The following ASPRV1 variants were observed in gnomAD, a reference collection of about 807,000 sequenced individuals.
The protein encoded by ASPRV1 is aspartic peptidase retroviral like 1, also known as retroviral-like aspartic protease 1.
Under a neutral mutation model 11.0 loss-of-function variants are expected in ASPRV1, and 7 were observed. That is an observed-to-expected ratio of 0.64 (90% CI 0.36 to 1.20). The LOEUF is 1.20. Ranked by LOEUF, ASPRV1 falls within the 50% of genes most tolerant of loss-of-function variation. The pLI is 0.02. For synonymous variants in ASPRV1, 136 were observed against 138.4 expected, an observed-to-expected ratio of 0.98 and a Z score of 0.12; for missense variants, 299 against 320.0, an observed-to-expected ratio of 0.93 and a Z score of 0.50.
the ASPRV1 span, among the ~76,000 whole-genome samples, chr2:69,943,451 A>G: frequency 2.0e-5 from 3 of 152,142 alleles, no homozygotes; most frequent in Admixed American, 2.0e-4. Context: ...ATTGCTGGGA[A>G]GGAGAACATC....
At chr2:69,971,205 A>G in the ASPRV1 span, 1 of 152,176 alleles carries the variant, frequency 6.6e-6, no homozygotes, top group South Asian at 2.1e-4. Flanking sequence ...TACTCATAGT[A>G]AGAAAGACAT....
the ASPRV1 span, among the ~76,000 whole-genome samples, chr2:70,032,770 G>A: frequency 2.0e-5 from 3 of 152,174 alleles, no homozygotes; most frequent in East Asian, 1.9e-4. Context: ...ACTCAGCAAT[G>A]GTGTGGCTGA....
the ASPRV1 span, among the ~76,000 whole-genome samples, chr2:69,978,763 G>A: frequency 3.3e-5 from 5 of 152,202 alleles, no homozygotes; most frequent in Non-Finnish European, 7.3e-5. Context: ...GTGGACAGGA[G>A]AGCCGGGCTG....
chr2:70,070,765 CAG>C, the ASPRV1 span: 9 of 115,574 alleles, frequency 7.8e-5, no homozygotes, highest in African/African-American at 3.2e-4. Context: ...GCCTGGGTGA[CAG>C]AGTGAGACTC....
the ASPRV1 span, among the ~76,000 whole-genome samples, chr2:69,991,079 T>G: frequency 2.0e-5 from 3 of 152,250 alleles, no homozygotes; most frequent in East Asian, 5.8e-4. Context: ...CTATATAAAT[T>G]CACCTCTCCT....
At chr2:69,945,819 A>T in the ASPRV1 span, among the ~76,000 whole-genome samples, 1 of 152,108 alleles carries the variant, frequency 6.6e-6, no homozygotes, top group African/African-American at 2.4e-5. Context: ...GGAGCTAGAG[A>T]GGCCCACTCA....
At chr2:70,046,616 A>C in the ASPRV1 span, 3 of 152,170 alleles carry the variant, frequency 2.0e-5, no homozygotes, top group African/African-American at 4.8e-5. Flanking sequence ...AGACCCTAGG[A>C]AGCCAAGGGC....
chr2:70,086,450 G>C, the ASPRV1 span: 3 of 152,304 alleles, frequency 2.0e-5, no homozygotes, highest in Non-Finnish European at 4.4e-5. Context: ...AGCGTCTTGA[G>C]CGACACTTCC....
At chr2:69,946,520 T>C in the ASPRV1 span, among the ~76,000 whole-genome samples, 1 of 152,198 alleles carries the variant, frequency 6.6e-6, no homozygotes, top group Non-Finnish European at 1.5e-5. Flanking sequence ...TCCCCATGCC[T>C]GACATGCAGA....
At chr2:70,054,704 T>C in the ASPRV1 span, among the ~76,000 whole-genome samples, 1 of 152,136 alleles carries the variant, frequency 6.6e-6, no homozygotes, top group Non-Finnish European at 1.5e-5. Flanking sequence ...AGACAAACGA[T>C]GGGATGTCCT....
chr2:70,067,664 G>T, the ASPRV1 span, among the ~76,000 whole-genome samples: 17 of 152,254 alleles, frequency 1.1e-4, no homozygotes, highest in African/African-American at 3.6e-4. Context: ...CACTTGTATA[G>T]AGAATTAAAT....
the ASPRV1 span, among the ~76,000 whole-genome samples, chr2:70,004,902 T>C: frequency 7.2e-5 from 11 of 152,208 alleles, no homozygotes; most frequent in African/African-American, 2.6e-4. Flanking sequence ...CTTTTGTCTA[T>C]TTTGTTAAAT....
At chr2:70,029,035 G>A in the ASPRV1 span, among the ~76,000 whole-genome samples, 2 of 152,112 alleles carry the variant, frequency 1.3e-5, no homozygotes, top group African/African-American at 2.4e-5. Context: ...GTTACTCAAT[G>A]GCTCTCTGTT....
At chr2:70,076,029 C>T in the ASPRV1 span, among the ~76,000 whole-genome samples, 1 of 152,194 alleles carries the variant, frequency 6.6e-6, no homozygotes. Flanking sequence ...CCAGGGAACA[C>T]CCAATCCCTC....
the ASPRV1 span, among the ~76,000 whole-genome samples, chr2:70,084,638 TAAAGA>T: frequency 2.0e-5 from 3 of 152,218 alleles, no homozygotes; most frequent in Admixed American, 1.3e-4. Context: ...TTTTTATATA[TAAAGA>T]ATAGAAATTA....
At chr2:70,068,771 T>TAA in the ASPRV1 span, among the ~76,000 whole-genome samples, 27 of 129,810 alleles carry the variant, frequency 2.1e-4, no homozygotes, top group African/African-American at 3.1e-4. Context: ...GCGTCTCTAC[T>TAA]AAAAAAAAAA....
downstream of ASPRV1, among the ~76,000 whole-genome samples, chr2:69,956,479 A>AAGAAGAAGAAG (rs1558579534): frequency 3.1e-4 from 41 of 132,028 alleles, 3 homozygotes; most frequent in East Asian, 1.1e-3. Context: ...AGAAGAAGAA[A>AAGAAGAAGAAG]AGAGGAAGAA....
chr2:69,980,314 C>A, the ASPRV1 span, among the ~76,000 whole-genome samples: 2 of 152,346 alleles, frequency 1.3e-5, no homozygotes, highest in Admixed American at 6.5e-5. Flanking sequence ...ATGAAAAAAT[C>A]CGTAAACTCA....
chr2:69,994,137 G>A, the ASPRV1 span: 1 of 152,278 alleles, frequency 6.6e-6, no homozygotes, highest in African/African-American at 2.4e-5. Flanking sequence ...TCCTCTGACT[G>A]GTAAGATGTT....
Sources: allele counts gnomAD v4.1 joint callset (sites outside exome capture counted in the v4.1 genomes callset), GRCh38; gene constraint gnomAD v4.1.1; transcripts MANE v1.5; gene names NCBI Gene and HGNC (gene_info 2026-07-23, HGNC 2026-07-21).